The following GRID1 variants were observed in gnomAD, a reference collection of about 807,000 sequenced individuals.
GRID1 encodes the protein glutamate receptor ionotropic, delta-1.
GRID1 carries 28 observed loss-of-function variants against 98.0 expected under a neutral mutation model. The ratio of observed to expected loss-of-function variants is 0.29; its 90% CI spans 0.21 to 0.39. The LOEUF is 0.39. GRID1 is among the 10% of genes least tolerant of loss of function. The pLI is 1.00. For missense variants in GRID1, 1,111 were observed against 1,340.5 expected (o/e 0.83, Z 2.67); for synonymous variants, 553 against 538.5 (o/e 1.03, Z -0.37).
Position 86,358,591 on chromosome 10 carries a change from T to C in GRID1, c.235+5350A>G, listed in dbSNP as rs893604342. 5.3e-5 allele frequency among the ~76,000 whole-genome samples: 8 copies of C among 151,858 alleles called. No individual in the cohort carries two copies. The East Asian group carries it at 1.2e-3, about 22-fold the overall frequency. On this transcript the variant is annotated intron_variant, in intron 2 of 15. Coordinates refer to ENST00000327946, the MANE Select transcript of GRID1 (RefSeq NM_017551.3). ...GGCTAACACAGTGAAATCCCGTCTC[T>C]ACTAAAAATACAAAAAATTAGCCGG...
chr10:86,136,726 A>G (rs1315383632), intron 4 of GRID1, among the ~76,000 whole-genome samples: 1 of 152,166 alleles, frequency 6.6e-6, no homozygotes, highest in African/African-American at 2.4e-5. Context: ...TGTTGGCCCA[A>G]AGTCCAAATG....
At chr10:86,130,564 G>C (rs1175328044) in intron 4 of GRID1, among the ~76,000 whole-genome samples, 2 of 152,176 alleles carry the variant, frequency 1.3e-5, no homozygotes, top group Admixed American at 6.5e-5. Context: ...AGTTCGGTTG[G>C]AGACAGTCAG....
intron 8 of GRID1, among the ~76,000 whole-genome samples, chr10:85,787,602 C>T (rs1348288583): frequency 6.6e-6 from 1 of 152,188 alleles, no homozygotes; most frequent in Non-Finnish European, 1.5e-5. Context: ...ATTTCCCTTC[C>T]AAGAGCCTGC....
chr10:85,880,498 A>G (rs1037143581), intron 5 of GRID1, among the ~76,000 whole-genome samples: 2 of 152,222 alleles, frequency 1.3e-5, no homozygotes, highest in Non-Finnish European at 2.9e-5. Flanking sequence ...AATCCAGAAT[A>G]TAAACAGAAC....
chr10:85,683,546 G>T (rs1171008297), intron 12 of GRID1, among the ~76,000 whole-genome samples: 2 of 152,160 alleles, frequency 1.3e-5, no homozygotes, highest in Non-Finnish European at 2.9e-5. Context: ...GAAGCAAACT[G>T]TTTTTCTCCT....
chr10:86,244,568 CCCT>C (rs1226607450), intron 2 of GRID1, among the ~76,000 whole-genome samples: 1 of 152,232 alleles, frequency 6.6e-6, no homozygotes, highest in Non-Finnish European at 1.5e-5. Flanking sequence ...GGCTGCCACC[CCCT>C]CGTTAATCAT....
chr10:85,815,509 A>C (rs1842709253), intron 8 of GRID1, among the ~76,000 whole-genome samples: 1 of 152,086 alleles, frequency 6.6e-6, no homozygotes, highest in African/African-American at 2.4e-5. Flanking sequence ...AAACAATTAT[A>C]TTAAAATCTA....
At chr10:86,165,902 T>C (rs1390882902) in intron 3 of GRID1, among the ~76,000 whole-genome samples, 1 of 152,170 alleles carries the variant, frequency 6.6e-6, no homozygotes, top group East Asian at 1.9e-4. Flanking sequence ...CCAGAAATCC[T>C]GTGCAGAGCA....
intron 8 of GRID1, among the ~76,000 whole-genome samples, chr10:85,849,956 C>G (rs1286056077): frequency 1.3e-5 from 2 of 152,184 alleles, no homozygotes; most frequent in African/African-American, 4.8e-5. Context: ...GAGAAGAAAA[C>G]AGCTGTGTTG....
intron 6 of GRID1, among the ~76,000 whole-genome samples, chr10:85,864,392 G>A (rs907252427): frequency 2.6e-5 from 4 of 152,250 alleles, no homozygotes; most frequent in African/African-American, 9.6e-5. Context: ...GTGTGAAAGT[G>A]AAGAGGGCTA....
chr10:85,745,352 G>A (rs1841985773), intron 8 of GRID1, among the ~76,000 whole-genome samples: 1 of 62,954 alleles, frequency 1.6e-5, no homozygotes, highest in African/African-American at 6.2e-5. Context: ...ACTGGATTAA[G>A]AAAATGTGGC....
intron 2 of GRID1, among the ~76,000 whole-genome samples, chr10:86,312,782 G>C (rs1034360932): frequency 3.9e-5 from 6 of 152,244 alleles, no homozygotes; most frequent in Non-Finnish European, 8.8e-5. Flanking sequence ...GCAGTGAACA[G>C]AGCCTGGAGT....
At chr10:85,648,680 CA>C (rs1355910244) in intron 12 of GRID1, among the ~76,000 whole-genome samples, 3 of 152,230 alleles carry the variant, frequency 2.0e-5, no homozygotes, top group Non-Finnish European at 4.4e-5. Context: ...CACCAGGCCA[CA>C]GTGCTCCCTC....
chr10:86,087,612 C>T (rs1589366807), intron 4 of GRID1, among the ~76,000 whole-genome samples: 1 of 152,120 alleles, frequency 6.6e-6, no homozygotes, highest in East Asian at 1.9e-4. Flanking sequence ...CTTCACTGGC[C>T]ACTCCTATGT....
chr10:86,207,425 G>A (rs967720415), intron 2 of GRID1, among the ~76,000 whole-genome samples: 10 of 152,138 alleles, frequency 6.6e-5, no homozygotes, highest in South Asian at 4.1e-4. Context: ...GGGCTGACAC[G>A]CTCAGGGGCT....
At position 86,211,409 on chromosome 10, in the gene GRID1, G is replaced by GC. The variant is rs1232285029; in HGVS notation, c.236-4762dup. ...GACAAACTGTAATGAGCGGCTTCCA[G>GC]CCCCCCCACCTGCACCCTGTGTCCT... On this transcript the variant is annotated intron_variant, in intron 2 of 15. Transcript: ENST00000327946. Among the ~76,000 whole-genome samples, 7 of 152,074 alleles carry GC rather than the reference G, an allele frequency of 4.6e-5. No individual in the cohort carries two copies. The East Asian group carries it at 5.8e-4, about 13-fold the overall frequency.
intron 8 of GRID1, among the ~76,000 whole-genome samples, chr10:85,800,339 C>G (rs186333426): frequency 6.6e-6 from 1 of 151,948 alleles, no homozygotes; most frequent in African/African-American, 2.4e-5. Flanking sequence ...AATACAGTCC[C>G]GAAACTGGAT....
At chr10:85,822,991 G>A (rs1342772877) in intron 8 of GRID1, among the ~76,000 whole-genome samples, 1 of 152,106 alleles carries the variant, frequency 6.6e-6, no homozygotes, top group Non-Finnish European at 1.5e-5. Context: ...TGAATAATGA[G>A]AACACCTGGA....
chr10:86,329,468 C>G (rs910844674), intron 2 of GRID1, among the ~76,000 whole-genome samples: 1 of 152,226 alleles, frequency 6.6e-6, no homozygotes, highest in Non-Finnish European at 1.5e-5. Context: ...TGTCCATGGA[C>G]CAGAGCCTGA....
Sources: gnomAD v4.1 joint callset for allele counts (sites outside exome capture counted in the v4.1 genomes callset) on GRCh38, gnomAD v4.1.1 for gene constraint, MANE v1.5 for transcripts, NCBI Gene and HGNC (gene_info 2026-07-23, HGNC 2026-07-21) for gene names.